Variants in SLC2A9 observed in about 807,000 individuals in gnomAD.
SLC2A9 encodes solute carrier family 2, facilitated glucose transporter member 9.
A neutral mutation model predicts 50.6 loss-of-function variants in SLC2A9; 39 were observed. The ratio of observed to expected loss-of-function variants is 0.77; its 90% CI spans 0.60 to 1.01. The LOEUF is 1.01. Among genes scored for constraint, SLC2A9 ranks in the 50% least tolerant of loss-of-function variants. The pLI is 0.00. For missense variants in SLC2A9, 686 were observed against 677.6 expected, an observed-to-expected ratio of 1.01 and a Z score of -0.14; for synonymous variants, 324 against 276.9, an observed-to-expected ratio of 1.17 and a Z score of -1.69.
At chr4:10,018,851 C>A in intron 2 of SLC2A9, 124 bp downstream of exon 2, 1 of 900,566 alleles carries the variant, frequency 1.1e-6, no homozygotes, top group South Asian at 1.6e-5. Context: ...GGGCTAATCT[C>A]TGTCCCCGCG....
At chr4:9,818,166 C>A (rs183634992) in intron 3 of SLC2A9, among the ~76,000 whole-genome samples, 4 of 152,268 alleles carry the variant, frequency 2.6e-5, no homozygotes, top group African/African-American at 9.6e-5. Context: ...CCATGCTGAG[C>A]GGGTGTCCTT....
intron 1 of SLC2A9, among the ~76,000 whole-genome samples, chr4:9,771,821 C>G (rs554372062): frequency 3.5e-4 from 53 of 152,210 alleles, no homozygotes; most frequent in South Asian, 1.2e-3. Flanking sequence ...TGAGTGGGCA[C>G]TCACCCCCTT....
At chr4:9,815,216 A>T (rs1174757251) in intron 3 of SLC2A9, among the ~76,000 whole-genome samples, 1 of 152,214 alleles carries the variant, frequency 6.6e-6, no homozygotes, top group Non-Finnish European at 1.5e-5. Flanking sequence ...ACTCCAGCAA[A>T]GCTGCTGTGA....
intron 8 of SLC2A9, among the ~76,000 whole-genome samples, chr4:9,901,107 A>G (rs1417871147): frequency 6.6e-6 from 1 of 152,168 alleles, no homozygotes; most frequent in Non-Finnish European, 1.5e-5. Flanking sequence ...TTAACTTCTC[A>G]GATCTGGGGA....
intron 10 of SLC2A9, among the ~76,000 whole-genome samples, chr4:9,884,627 G>A (rs1735842642): frequency 6.6e-6 from 1 of 152,012 alleles, no homozygotes; most frequent in Admixed American, 6.6e-5. Flanking sequence ...TTAAAAACCT[G>A]GTTCTCAGAA....
intron 3 of SLC2A9, among the ~76,000 whole-genome samples, chr4:9,820,548 TAGTA>T (rs1724259715): frequency 6.6e-6 from 1 of 152,250 alleles, no homozygotes; most frequent in African/African-American, 2.4e-5. Flanking sequence ...CTTTTAACTT[TAGTA>T]AAGTCATTCA....
At chr4:9,913,303 TTGTGTG>T (rs59023239) in intron 7 of SLC2A9, among the ~76,000 whole-genome samples, 33 of 142,228 alleles carry the variant, frequency 2.3e-4, no homozygotes, top group Middle Eastern at 3.7e-3. Context: ...TCCTGTGTGT[TTGTGTG>T]TGTGTGTGTG....
chr4:9,875,818 C>A (rs1166346477), intron 10 of SLC2A9, among the ~76,000 whole-genome samples: 2 of 152,170 alleles, frequency 1.3e-5, no homozygotes, highest in Non-Finnish European at 2.9e-5. Context: ...TCTTATTCCT[C>A]TTTGTGCTCC....
chr4:9,875,540 C>G (rs1159630534), intron 10 of SLC2A9, among the ~76,000 whole-genome samples: 8 of 152,238 alleles, frequency 5.3e-5, no homozygotes. Context: ...TTCACCCAGA[C>G]ACACATCTCC....
At chr4:10,007,247 C>T (rs1387952287) in intron 2 of SLC2A9, among the ~76,000 whole-genome samples, 1 of 152,198 alleles carries the variant, frequency 6.6e-6, no homozygotes, top group African/African-American at 2.4e-5. Flanking sequence ...TTTGGCTTGA[C>T]TTGAGCATTA....
intron 3 of SLC2A9, among the ~76,000 whole-genome samples, chr4:9,808,815 A>C (rs1051366969): frequency 6.6e-6 from 1 of 152,190 alleles, no homozygotes. Flanking sequence ...CCTCTGTCCT[A>C]TGTGGACTTG....
At chr4:9,891,663 G>A (rs918190356) in intron 8 of SLC2A9, among the ~76,000 whole-genome samples, 1 of 152,198 alleles carries the variant, frequency 6.6e-6, no homozygotes, top group Non-Finnish European at 1.5e-5. Context: ...AGACATCACA[G>A]AGCAAGTAGG....
At chr4:9,991,786 C>T (rs903768656) in intron 3 of SLC2A9, among the ~76,000 whole-genome samples, 1 of 152,184 alleles carries the variant, frequency 6.6e-6, no homozygotes, top group Non-Finnish European at 1.5e-5. Flanking sequence ...ATCTGCAAGC[C>T]ATGGAGAGAA....
chr4:9,815,641 A>C (rs1034468655), intron 3 of SLC2A9, among the ~76,000 whole-genome samples: 1 of 152,204 alleles, frequency 6.6e-6, no homozygotes, highest in African/African-American at 2.4e-5. Context: ...CCTCCAACAA[A>C]GGCAAATTTT....
rs140746050 is a variant in SLC2A9 at position 9,886,314 on chromosome 4, G to T, written c.1291+1253C>A. Among the ~76,000 whole-genome samples the T allele has an allele frequency of 9.8e-5, 15 of 152,328 alleles. No homozygotes were observed. In the South Asian group the frequency reaches 2.3e-3, roughly 23 times the overall value. ...AAGACTAAACACATTTACTCCTCGC[G>T]TCCACTGTAAACTACAACATGTGCT... On this transcript the variant is annotated intron_variant, in intron 10 of 11. Transcript: ENST00000264784.
At chr4:9,873,611 T>G (rs1733800326) in intron 10 of SLC2A9, among the ~76,000 whole-genome samples, 1 of 152,186 alleles carries the variant, frequency 6.6e-6, no homozygotes, top group Non-Finnish European at 1.5e-5. Context: ...GTGATGGACA[T>G]GTGGTCAAGT....
chr4:9,825,435 T>C (rs950885708), downstream of SLC2A9, among the ~76,000 whole-genome samples: 6 of 152,172 alleles, frequency 3.9e-5, no homozygotes, highest in African/African-American at 1.4e-4. Context: ...GCTCATTACC[T>C]TTTCAGAGAA....
chr4:9,889,391 C>T (rs970533264), intron 9 of SLC2A9, among the ~76,000 whole-genome samples: 1 of 152,182 alleles, frequency 6.6e-6, no homozygotes, highest in African/African-American at 2.4e-5. Context: ...GGGCTTCAGG[C>T]TTTCCTTTTA....
chr4:9,958,777 G>A lies in SLC2A9; in HGVS notation c.682-16732C>T, dbSNP rs746455320. ...CTGTCCAGAAAAGACCCATTTAGAC[G>A]AAAGCAACAGGCTAGAGGGCTGAGG... On this transcript the variant is annotated intron_variant, in intron 5 of 11. Transcript: ENST00000264784. Among the ~76,000 whole-genome samples, 23 of 152,222 alleles carry A rather than the reference G, an allele frequency of 1.5e-4. 2 individuals carry two copies. The Middle Eastern group carries it at 0.034, about 225-fold the overall frequency.
Sources: gnomAD v4.1 joint callset for allele counts (sites outside exome capture counted in the v4.1 genomes callset) on GRCh38, gnomAD v4.1.1 for gene constraint, MANE v1.5 for transcripts, NCBI Gene and HGNC (gene_info 2026-07-23, HGNC 2026-07-21) for gene names.